Variants in ENTREP2 observed in about 807,000 individuals in gnomAD.
The protein encoded by ENTREP2 is protein ENTREP2.
chr15:29,450,522 T>C, the ENTREP2 span, among the ~76,000 whole-genome samples: 95 of 152,268 alleles, frequency 6.2e-4, no homozygotes, highest in African/African-American at 2.2e-3. Flanking sequence ...GGTGGGGGTG[T>C]AAATTAGTTC....
the ENTREP2 span, among the ~76,000 whole-genome samples, chr15:29,523,744 C>T: frequency 6.6e-6 from 1 of 151,822 alleles, no homozygotes; most frequent in Non-Finnish European, 1.5e-5. Flanking sequence ...CATTTATAGT[C>T]AATTGATTTT....
At chr15:29,603,629 T>A in the ENTREP2 span, among the ~76,000 whole-genome samples, 4 of 152,222 alleles carry the variant, frequency 2.6e-5, no homozygotes, top group Admixed American at 2.0e-4. Context: ...TTTCATTTTA[T>A]TTAATTAATT....
chr15:29,631,659 G>C, the ENTREP2 span, among the ~76,000 whole-genome samples: 3 of 152,316 alleles, frequency 2.0e-5, no homozygotes, highest in East Asian at 5.8e-4. Context: ...TCTAGGCAGG[G>C]CTTAAAGAAT....
the ENTREP2 span, among the ~76,000 whole-genome samples, chr15:29,580,749 G>C: frequency 6.6e-6 from 1 of 152,190 alleles, no homozygotes; most frequent in Non-Finnish European, 1.5e-5. Flanking sequence ...AAAGAGGTTA[G>C]GCTGTTTCCT....
the ENTREP2 span, chr15:29,376,617 T>A: frequency 3.1e-3 from 464 of 151,502 alleles, 4 homozygotes; most frequent in African/African-American, 0.011. Context: ...CGACATTGCA[T>A]TCGCCAGCCT....
the ENTREP2 span, among the ~76,000 whole-genome samples, chr15:29,476,713 G>A: frequency 2.6e-5 from 4 of 152,192 alleles, no homozygotes; most frequent in Non-Finnish European, 4.4e-5. Flanking sequence ...GGACGAGTGA[G>A]TCTCTCACAC....
the ENTREP2 span, among the ~76,000 whole-genome samples, chr15:29,592,168 C>G: frequency 6.6e-6 from 1 of 152,118 alleles, no homozygotes; most frequent in African/African-American, 2.4e-5. Flanking sequence ...CTCTCTGCCC[C>G]CTGGTTCTGC....
At chr15:29,527,274 T>C in the ENTREP2 span, among the ~76,000 whole-genome samples, 1 of 152,102 alleles carries the variant, frequency 6.6e-6, no homozygotes, top group South Asian at 2.1e-4. Context: ...CTTTGCTGGG[T>C]TTCAGGACAT....
the ENTREP2 span, among the ~76,000 whole-genome samples, chr15:29,461,979 T>C: frequency 3.9e-5 from 6 of 152,142 alleles, no homozygotes; most frequent in African/African-American, 1.2e-4. Context: ...TCTATGTCCC[T>C]CATATAAAGT....
chr15:29,324,001 G>A, the ENTREP2 span, among the ~76,000 whole-genome samples: 1 of 152,008 alleles, frequency 6.6e-6, no homozygotes, highest in Non-Finnish European at 1.5e-5. Context: ...TGCTAAAAGA[G>A]GAGATAAAAT....
the ENTREP2 span, among the ~76,000 whole-genome samples, chr15:29,226,845 G>A: frequency 6.6e-6 from 1 of 152,216 alleles, no homozygotes; most frequent in Admixed American, 6.5e-5. Context: ...GCCACTGACT[G>A]TCTTAACCTG....
At chr15:29,455,036 T>A in the ENTREP2 span, among the ~76,000 whole-genome samples, 2 of 152,206 alleles carry the variant, frequency 1.3e-5, no homozygotes, top group Non-Finnish European at 2.9e-5. Flanking sequence ...AGCTTGACTG[T>A]GTGATTTGCT....
At chr15:29,539,654 T>C in the ENTREP2 span, among the ~76,000 whole-genome samples, 2 of 152,106 alleles carry the variant, frequency 1.3e-5, no homozygotes, top group Admixed American at 6.5e-5. Context: ...TCCTGCCTTG[T>C]TCTGGGTTTT....
At chr15:29,279,047 G>T in the ENTREP2 span, among the ~76,000 whole-genome samples, 1 of 152,070 alleles carries the variant, frequency 6.6e-6, no homozygotes, top group African/African-American at 2.4e-5. Flanking sequence ...TTGACTATAA[G>T]GATACCAGTC....
At chr15:29,562,980 C>A in the ENTREP2 span, among the ~76,000 whole-genome samples, 2 of 151,976 alleles carry the variant, frequency 1.3e-5, no homozygotes, top group African/African-American at 4.8e-5. Context: ...TCAGTAGAAA[C>A]AGGGTTTTGC....
the ENTREP2 span, among the ~76,000 whole-genome samples, chr15:29,608,546 A>ATTATTATTATTAT: frequency 1.1e-4 from 15 of 141,364 alleles, no homozygotes; most frequent in African/African-American, 2.9e-4. Flanking sequence ...TATTATTATT[A>ATTATTATTATTAT]TTATTTATTT....
the ENTREP2 span, among the ~76,000 whole-genome samples, chr15:29,631,415 G>A: frequency 8.5e-5 from 13 of 152,122 alleles, no homozygotes; most frequent in South Asian, 2.1e-4. Context: ...CAGTTTCCCC[G>A]TTTAGACTTA....
At chr15:29,362,627 G>A in the ENTREP2 span, among the ~76,000 whole-genome samples, 5 of 151,832 alleles carry the variant, frequency 3.3e-5, no homozygotes, top group South Asian at 4.2e-4. Context: ...CGCCCGCCTC[G>A]GCCTCCCAAA....
At chr15:29,311,961 T>C in the ENTREP2 span, among the ~76,000 whole-genome samples, 2 of 152,206 alleles carry the variant, frequency 1.3e-5, no homozygotes, top group African/African-American at 4.8e-5. Context: ...TGATCATCTC[T>C]ACAGATGCAC....
Sources: gnomAD v4.1 joint callset for allele counts (sites outside exome capture counted in the v4.1 genomes callset) on GRCh38, gnomAD v4.1.1 for gene constraint, MANE v1.5 for transcripts, NCBI Gene and HGNC (gene_info 2026-07-23, HGNC 2026-07-21) for gene names.